NTM: variants seen among roughly 807,000 people sequenced by gnomAD.
NTM encodes neurotrimin.
A neutral mutation model predicts 42.1 loss-of-function variants in NTM; 13 were observed. The ratio of observed to expected loss-of-function variants is 0.31; its 90% confidence interval spans 0.20 to 0.49. NTM has a LOEUF of 0.49. NTM is among the 20% of genes least tolerant of loss of function. NTM has a pLI of 0.99. For synonymous variants in NTM, 187 were observed against 179.2 expected (o/e 1.04, Z -0.35); for missense variants, 373 against 452.8 (o/e 0.82, Z 1.60).
At chr11:132,148,475 T>C (rs1056428741) in intron 3 of NTM, among the ~76,000 whole-genome samples, 1 of 151,640 alleles carries the variant, frequency 6.6e-6, no homozygotes, top group Non-Finnish European at 1.5e-5. Context: ...ACACTTAGTG[T>C]TGAGAAAAGA....
intron 2 of NTM, among the ~76,000 whole-genome samples, chr11:132,013,923 A>C (rs1222253812): frequency 6.6e-6 from 1 of 152,136 alleles, no homozygotes; most frequent in Non-Finnish European, 1.5e-5. Flanking sequence ...CGAAATGTAC[A>C]GTACATTGTT....
chr11:132,186,305 TG>T (rs924835975), intron 3 of NTM, among the ~76,000 whole-genome samples: 2 of 152,146 alleles, frequency 1.3e-5, no homozygotes, highest in African/African-American at 4.8e-5. Context: ...ACAAAATGGT[TG>T]GGAGACACAG....
chr11:131,856,600 T>C (rs947965722), intron 1 of NTM, among the ~76,000 whole-genome samples: 1 of 152,230 alleles, frequency 6.6e-6, no homozygotes, highest in Non-Finnish European at 1.5e-5. Flanking sequence ...GCAGATTCCT[T>C]TCTTGATCTT....
intron 1 of NTM, among the ~76,000 whole-genome samples, chr11:131,632,822 G>A (rs1375120779): frequency 6.6e-6 from 1 of 150,670 alleles, no homozygotes; most frequent in African/African-American, 2.5e-5. Context: ...CTACAGGCAC[G>A]TGCCACCATG....
At chr11:131,835,347 C>A (rs920745571) in intron 1 of NTM, among the ~76,000 whole-genome samples, 1 of 151,750 alleles carries the variant, frequency 6.6e-6, no homozygotes, top group Non-Finnish European at 1.5e-5. Context: ...AGGATATTCA[C>A]GATACGTATA....
At chr11:132,314,089 C>T (rs998554877) in intron 6 of NTM, among the ~76,000 whole-genome samples, 2 of 151,740 alleles carry the variant, frequency 1.3e-5, no homozygotes, top group African/African-American at 2.4e-5. Context: ...ACCAGGTGCT[C>T]GAAAAACATT....
intron 1 of NTM, among the ~76,000 whole-genome samples, chr11:131,630,239 T>C (rs2512868): frequency 0.85 from 129,380 of 152,152 alleles, 55,108 homozygotes; most frequent in African/African-American, 0.87. Flanking sequence ...ATCTCTGCCT[T>C]GGATCAGGAG....
At chr11:132,147,214 T>TGTGTGTGTGTGTGA (rs1337361068) in intron 3 of NTM, among the ~76,000 whole-genome samples, 3 of 122,830 alleles carry the variant, frequency 2.4e-5, no homozygotes, top group African/African-American at 1.0e-4. Context: ...TGTGTGTGTG[T>TGTGTGTGTGTGTGA]GAGAGAGAGA....
intron 2 of NTM, among the ~76,000 whole-genome samples, chr11:132,030,858 T>C (rs2075824059): frequency 1.3e-5 from 2 of 152,200 alleles, no homozygotes. Context: ...TGCATAAAAC[T>C]CATGGGCTTA....
chr11:132,185,586 C>T (rs930777710), intron 3 of NTM, among the ~76,000 whole-genome samples: 3 of 152,284 alleles, frequency 2.0e-5, no homozygotes, highest in South Asian at 4.2e-4. Flanking sequence ...TCGTGGTAAT[C>T]CACTCCAAAA....
At chr11:131,975,985 G>C (rs2064272006) in intron 2 of NTM, among the ~76,000 whole-genome samples, 1 of 152,090 alleles carries the variant, frequency 6.6e-6, no homozygotes, top group African/African-American at 2.4e-5. Flanking sequence ...GATGTCCTTA[G>C]GCCTAACCTG....
chr11:131,540,509 A>G (rs1242328000), intron 1 of NTM: 1 of 152,174 alleles, frequency 6.6e-6, no homozygotes, highest in African/African-American at 2.4e-5. Context: ...CTCCAAGGCC[A>G]TTCAACTTAC....
At chr11:132,118,761 C>A (rs770302498) in intron 2 of NTM, among the ~76,000 whole-genome samples, 1 of 152,084 alleles carries the variant, frequency 6.6e-6, no homozygotes, top group Non-Finnish European at 1.5e-5. Flanking sequence ...GAGATCGCAG[C>A]GTCAGATTGG....
chr11:131,770,430 T>C (rs1228662770), intron 1 of NTM, among the ~76,000 whole-genome samples: 2 of 152,186 alleles, frequency 1.3e-5, no homozygotes, highest in Admixed American at 1.3e-4. Flanking sequence ...ACATTTCAAA[T>C]GACAAAACAC....
At chr11:131,616,888 A>C (rs2061997938) in intron 1 of NTM, among the ~76,000 whole-genome samples, 1 of 151,790 alleles carries the variant, frequency 6.6e-6, no homozygotes, top group African/African-American at 2.4e-5. Flanking sequence ...TCTGTAGCAT[A>C]TCTCTGCTTT....
chr11:132,182,388 G>A (rs1017390701), intron 3 of NTM, among the ~76,000 whole-genome samples: 16 of 152,138 alleles, frequency 1.1e-4, no homozygotes, highest in African/African-American at 3.9e-4. Flanking sequence ...GTATCAAACT[G>A]CAGATCATGC....
At chr11:131,965,889 G>T (rs1379615822) in intron 2 of NTM, among the ~76,000 whole-genome samples, 1 of 147,340 alleles carries the variant, frequency 6.8e-6, no homozygotes, top group Non-Finnish European at 1.5e-5. Context: ...AAAAAGGAAG[G>T]GTTGGAGCTT....
At chr11:131,452,116 T>TG (rs1950533665) in intron 1 of NTM, among the ~76,000 whole-genome samples, 1 of 151,894 alleles carries the variant, frequency 6.6e-6, no homozygotes, top group African/African-American at 2.4e-5. Context: ...CGAAAAGAAG[T>TG]GGGGGGAGGG....
At chr11:131,557,134 A>G (rs2055549387) in intron 1 of NTM, among the ~76,000 whole-genome samples, 2 of 152,096 alleles carry the variant, frequency 1.3e-5, no homozygotes, top group Non-Finnish European at 2.9e-5. Context: ...ATAGAGATGA[A>G]TATTATCTCT....
Sources: allele counts gnomAD v4.1 joint callset (sites outside exome capture counted in the v4.1 genomes callset), GRCh38; gene constraint gnomAD v4.1.1; transcripts MANE v1.5; gene names NCBI Gene and HGNC (gene_info 2026-07-23, HGNC 2026-07-21).